GAB4: variants seen among roughly 807,000 people sequenced by gnomAD.
GAB4 encodes GRB2-associated-binding protein 4.
In GAB4, 26 loss-of-function variants were observed where a neutral mutation model predicts 51.3. The observed-to-expected ratio is 0.51, with a 90% CI of 0.37 to 0.70. The LOEUF (loss-of-function observed/expected upper bound fraction) is 0.70. Among genes scored for constraint, GAB4 ranks in the 30% least tolerant of loss-of-function variants. The pLI, the probability that GAB4 is intolerant of heterozygous loss-of-function variation, is 0.00. For synonymous variants in GAB4, 329 were observed against 291.2 expected, an observed-to-expected ratio of 1.13 and a Z score of -1.32; for missense variants, 759 against 734.6, an observed-to-expected ratio of 1.03 and a Z score of -0.38.
At position 16,988,163 on chromosome 22, in the gene GAB4, G is replaced by A; in HGVS notation, c.483C>T (p.Phe161=). 6.2e-7 allele frequency: 1 copy of A among 1,610,322 alleles called. No individual in the cohort carries two copies. Among genetic ancestry groups the A allele is most frequent in the South Asian group, 1.1e-5 (1 of 90,578 alleles). The change falls in exon 3 of 10, where the codon TTC becomes TTT. Residue 161 remains phenylalanine, a synonymous_variant. Transcript: ENST00000400588. ...GACTGGCTGAGGAAATGTTTCCCAG[G>A]AAGCCTGTGAATGAAACAGGAAGGA... ...CGFRQEESTG[F]LGNISSASHG...
chr22:16,963,755 G>A lies in GAB4; in HGVS notation c.1551C>T (p.His517=). Residue 517 remains histidine (H), a synonymous_variant, in exon 9 of 10, where the codon CAC becomes CAT. Coordinates refer to ENST00000400588, the MANE Select transcript of GAB4 (RefSeq NM_001037814.1). The part of the protein sequence containing the change: ...SAPPRSTGNI[H]YAALDFQPSK... ...TCGGCTGGAAGTCCAGGGCCGCGTA[G>A]TGGATGTTACCAGTGCTCCTCGGCG... The A allele has an allele frequency of 6.2e-7, 1 of 1,613,828 alleles. No individual in the cohort carries two copies. The highest frequency in any genetic ancestry group is 8.5e-7 in the Non-Finnish European group (1 of 1,179,970).
In GAB4 at chr22:17,006,064, T is replaced by G. The variant is rs140574640; in HGVS notation, c.174+1877A>C. 7.7e-4 allele frequency among the ~76,000 whole-genome samples: 117 copies of G among 152,252 alleles called. No homozygotes were observed. In the East Asian group the frequency reaches 0.022, roughly 28 times the overall value. ...AGAGCTTCTGCATAGCAAAAGAAAC[T>G]ATCATCAGCGTGAACAGGCAACCTA... On this transcript the variant is annotated intron_variant, in intron 1 of 9. Transcript: ENST00000400588.
Position 16,962,776 on chromosome 22 carries a change from C to T in GAB4, c.1682G>A (p.Cys561Tyr), listed in dbSNP as rs769966255. 7.4e-6 allele frequency: 12 copies of T among 1,613,464 alleles called. No homozygotes were observed. The highest frequency in any genetic ancestry group is 1.0e-5 in the Non-Finnish European group (12 of 1,179,876). The change falls in exon 10 of 10, where the codon TGC becomes TAC. Residue 561 changes from cysteine to tyrosine, a missense_variant. Cys to Tyr is a radical substitution (Grantham distance 194). Around this residue, in one of 3 missense-constraint regions of GAB4, gnomAD observed 588 missense variants for 510.2 expected, o/e 1.15. Coordinates refer to ENST00000400588, the MANE Select transcript of GAB4 (RefSeq NM_001037814.1). ...GGGAGGCTCTGAGGACTGCCGCAGG[C>T]ACATCTGTTCATGCATGGTCTTCTG... is the stretch of plus-strand genomic sequence containing the variant. ...ALQKTMHEQM[C>Y]LRQSSEPPRG...
At position 17,007,328 on chromosome 22, in the gene GAB4, T is replaced by C. The variant is rs1478382928; in HGVS notation, c.174+613A>G. Among the ~76,000 whole-genome samples, 4 of 152,212 alleles carry C rather than the reference T, an allele frequency of 2.6e-5. No individual in the cohort carries two copies. In the South Asian group the frequency reaches 6.2e-4, roughly 24 times the overall value. On this transcript the variant is annotated intron_variant, in intron 1 of 9. Transcript: ENST00000400588. ...TCGTTTAACCACATGAATTAATATA[T>C]AGAAAACTACACTGCAGTGCACACT...
intron 1 of GAB4, among the ~76,000 whole-genome samples, chr22:17,001,193 T>A (rs1292626323): frequency 6.6e-6 from 1 of 152,252 alleles, no homozygotes; most frequent in Non-Finnish European, 1.5e-5. Context: ...CCTGCCTTGC[T>A]AGGTTGGGGA....
chr22:16,972,171 C>T (rs1601254996), intron 3 of GAB4, among the ~76,000 whole-genome samples: 1 of 152,270 alleles, frequency 6.6e-6, no homozygotes, highest in East Asian at 1.9e-4. Flanking sequence ...ACACAGACGC[C>T]ACCTGCCCTG....
rs905003622 is a variant in GAB4, at chr22:16,962,588, G to C, written c.*145C>G. The C allele has an allele frequency of 1.6e-6, 1 of 642,148 alleles. No homozygotes were observed. Among genetic ancestry groups the C allele is most frequent in the Admixed American group, 3.6e-5 (1 of 27,638 alleles). 39.8% of individuals were successfully genotyped at this position (642,148 alleles called of 1,614,324 possible). On this transcript the variant is annotated 3_prime_UTR_variant, in exon 10 of 10. Coordinates refer to ENST00000400588, the MANE Select transcript of GAB4 (RefSeq NM_001037814.1). ...CCATGGCCAGCCAAAGGCACAGGTG[G>C]GCCCCAAGCAGGCAAAGGATGTATA...
chr22:16,989,195 A>C (rs1262908501), intron 2 of GAB4, among the ~76,000 whole-genome samples: 1 of 152,270 alleles, frequency 6.6e-6, no homozygotes. Flanking sequence ...CAAAAACCCC[A>C]ACAGCAAAAC....
intron 1 of GAB4, among the ~76,000 whole-genome samples, chr22:17,004,705 A>C (rs1455296574): frequency 6.6e-6 from 1 of 151,782 alleles, no homozygotes; most frequent in Non-Finnish European, 1.5e-5. Context: ...TATGACAAAC[A>C]ATCAATAAAC....
chr22:16,968,648 G>A (rs1262454887), intron 4 of GAB4, among the ~76,000 whole-genome samples: 2 of 151,874 alleles, frequency 1.3e-5, no homozygotes, highest in African/African-American at 4.8e-5. Flanking sequence ...AACTCCTACA[G>A]CACCCACCAC....
At chr22:16,966,634 AAG>A (rs985227353) in intron 5 of GAB4, 3 of 454,186 alleles carry the variant, frequency 6.6e-6, no homozygotes, top group African/African-American at 5.8e-5. Context: ...GTAAAAGTGG[AAG>A]AGTTTTCAGT....
chr22:16,988,243 G>A, intron 2 of GAB4, 76 bp from the exon 3 acceptor site: 1 of 963,756 alleles, frequency 1.0e-6, no homozygotes, highest in Non-Finnish European at 1.7e-6. Flanking sequence ...TGAAGACAGT[G>A]GCGGTAATCC....
intron 2 of GAB4, among the ~76,000 whole-genome samples, chr22:16,988,476 C>A (rs1236477036): frequency 6.6e-6 from 1 of 152,244 alleles, no homozygotes; most frequent in Non-Finnish European, 1.5e-5. Flanking sequence ...AAGACAGCCT[C>A]TGCAGTGGTG....
At chr22:16,975,501 C>T (rs1364957618) in intron 3 of GAB4, among the ~76,000 whole-genome samples, 1 of 152,208 alleles carries the variant, frequency 6.6e-6, no homozygotes, top group Non-Finnish European at 1.5e-5. Flanking sequence ...AAAAAGGCTA[C>T]AGTCCGAGTC....
At chr22:17,005,313 CAAG>C (rs1268049410) in intron 1 of GAB4, among the ~76,000 whole-genome samples, 2 of 152,090 alleles carry the variant, frequency 1.3e-5, no homozygotes, top group Non-Finnish European at 2.9e-5. Flanking sequence ...AGGACTTCTT[CAAG>C]AAGAACTACA....
chr22:16,964,687 C>A, intron 8 of GAB4, 79 bp downstream of exon 8: 1 of 1,026,064 alleles, frequency 9.7e-7, no homozygotes, highest in South Asian at 1.5e-5. Flanking sequence ...GCTGAGGTAG[C>A]TAAGCTGGGA....
chr22:16,996,179 C>T (rs2060947780), intron 1 of GAB4, among the ~76,000 whole-genome samples: 3 of 150,486 alleles, frequency 2.0e-5, no homozygotes, highest in South Asian at 2.1e-4. Flanking sequence ...TATCAATAGC[C>T]GAATTGATCA....
At chr22:16,986,721 C>G (rs2060871193) in intron 3 of GAB4, among the ~76,000 whole-genome samples, 1 of 152,204 alleles carries the variant, frequency 6.6e-6, no homozygotes, top group African/African-American at 2.4e-5. Context: ...CTGCCACTAA[C>G]TAGTTTAGTG....
intron 9 of GAB4, 40 bp downstream of exon 9, chr22:16,963,685 G>T (rs2060647571): frequency 5.4e-6 from 8 of 1,475,360 alleles, no homozygotes; most frequent in African/African-American, 1.4e-5. Context: ...CTCCCCCAGG[G>T]CCCAAGGGCT....
Sources: allele counts gnomAD v4.1 joint callset (sites outside exome capture counted in the v4.1 genomes callset), GRCh38; gene constraint gnomAD v4.1.1; regional missense constraint gnomAD v4.1.1; transcripts MANE v1.5; gene names NCBI Gene and HGNC (gene_info 2026-07-23, HGNC 2026-07-21).